Variants in DENND1B observed in about 807,000 individuals in gnomAD.
DENND1B encodes DENN domain containing 1B, also known as DENN domain-containing protein 1B.
Under a neutral mutation model 90.1 loss-of-function variants are expected in DENND1B, and 59 were observed. The observed-to-expected ratio is 0.65, with a 90% CI of 0.53 to 0.81. The LOEUF (loss-of-function observed/expected upper bound fraction) is 0.81, where lower values mean the gene tolerates loss of function less well. Ranked by LOEUF, DENND1B falls within the 40% of genes least tolerant of loss-of-function variation. The pLI, the probability that DENND1B is intolerant of heterozygous loss-of-function variation, is 0.00. For missense variants in DENND1B, 862 were observed against 912.6 expected (o/e 0.94, Z 0.71); for synonymous variants, 337 against 324.6 (o/e 1.04, Z -0.41).
chr1:197,510,716 G>A lies in DENND1B; in HGVS notation c.2072C>T (p.Pro691Leu). The A allele has an allele frequency of 1.2e-6, 2 of 1,612,714 alleles. No homozygotes were observed. Among genetic ancestry groups the A allele is most frequent in the Non-Finnish European group, 1.7e-6 (2 of 1,179,172 alleles). The change falls in exon 23 of 23, where the codon CCT (proline) becomes CTT (leucine). Residue 691 changes from proline to leucine, a missense_variant. Transcript: ENST00000620048. ...TSGLDFQLTS[P>L]EVSQTDKGKT... Reference sequence around the variant, plus strand: ...TCCTTTATCAGTCTGGGAAACTTCAGGGGAAGTGAGTTGGAAATCCAGTCC... The same window carrying A: ...TCCTTTATCAGTCTGGGAAACTTCAAGGGAAGTGAGTTGGAAATCCAGTCC...
Position 197,642,755 on chromosome 1 carries a change from G to A in DENND1B, c.628C>T (p.Leu210=). Residue 210 remains leucine (L), a synonymous_variant, in exon 10 of 23, where the codon CTG becomes TTG. Coordinates refer to ENST00000620048, the MANE Select transcript of DENND1B (RefSeq NM_001195215.2). ...ATAATCACGATGCGCCTTTCATGCA[G>A]CATACTGGCATACAGCTGCAGCATG... ...NNMLQLYASM[L]HERRIVIISS... 6.2e-7 allele frequency: 1 copy of A among 1,613,574 alleles called. No homozygotes were observed. The highest frequency in any genetic ancestry group is 8.5e-7 in the Non-Finnish European group (1 of 1,179,770).
chr1:197,666,577 T>C (rs901365752), intron 5 of DENND1B, among the ~76,000 whole-genome samples: 16 of 152,194 alleles, frequency 1.1e-4, no homozygotes, highest in African/African-American at 3.1e-4. Flanking sequence ...CTCAATAAAT[T>C]TTGGCCCTAT....
chr1:197,645,416 A>G (rs1337490319), intron 9 of DENND1B, among the ~76,000 whole-genome samples: 1 of 152,018 alleles, frequency 6.6e-6, no homozygotes, highest in African/African-American at 2.4e-5. Context: ...ATATGATCCT[A>G]CCTAATTACT....
At chr1:197,521,593 C>A (rs1668780513) in intron 20 of DENND1B, among the ~76,000 whole-genome samples, 1 of 151,784 alleles carries the variant, frequency 6.6e-6, no homozygotes, top group Non-Finnish European at 1.5e-5. Flanking sequence ...AATCCCCAAG[C>A]TTATGTATTT....
At chr1:197,595,491 G>A (rs1041868763) in intron 13 of DENND1B, among the ~76,000 whole-genome samples, 158 bp from the exon 14 acceptor site, 2 of 152,066 alleles carry the variant, frequency 1.3e-5, no homozygotes, top group African/African-American at 2.4e-5. Flanking sequence ...GCACCTGCTG[G>A]TCTGTTAATT....
At chr1:197,514,551 G>A (rs1245030783) in intron 20 of DENND1B, among the ~76,000 whole-genome samples, 1 of 151,468 alleles carries the variant, frequency 6.6e-6, no homozygotes, top group African/African-American at 2.4e-5. Flanking sequence ...TATGCTTTTG[G>A]GTATTTATTT....
chr1:197,552,473 C>G (rs187302173), intron 16 of DENND1B: 288 of 985,358 alleles, frequency 2.9e-4, no homozygotes, highest in Admixed American at 2.2e-3. Flanking sequence ...AACATTTACA[C>G]TAGAAGGATT....
chr1:197,612,569 T>C (rs1449068281), intron 11 of DENND1B, among the ~76,000 whole-genome samples: 2 of 150,636 alleles, frequency 1.3e-5, no homozygotes, highest in Non-Finnish European at 3.0e-5. Flanking sequence ...CTGTGCTATC[T>C]TTCCCCTCAT....
upstream of DENND1B, among the ~76,000 whole-genome samples, chr1:197,777,854 T>C (rs1002562850): frequency 6.6e-6 from 1 of 152,184 alleles, no homozygotes; most frequent in African/African-American, 2.4e-5. Flanking sequence ...ATGTTGTATG[T>C]GGTTTGTAAA....
chr1:197,734,972 T>A, intron 2 of DENND1B: 2 of 985,102 alleles, frequency 2.0e-6, no homozygotes, highest in Non-Finnish European at 2.4e-6. Flanking sequence ...AATTAAAGAC[T>A]CTGGAACACA....
At chr1:197,617,873 T>C in intron 10 of DENND1B, 114 bp from the exon 11 acceptor site, 2 of 713,710 alleles carry the variant, frequency 2.8e-6, no homozygotes, top group Non-Finnish European at 5.0e-6. Context: ...CATAACTACA[T>C]AAATCACATT....
Position 197,604,243 on chromosome 1 carries a change from A to G in DENND1B, c.921+2830T>C, listed in dbSNP as rs543541647. Among the ~76,000 whole-genome samples the G allele has an allele frequency of 6.6e-5, 10 of 151,390 alleles. No individual in the cohort carries two copies. In the East Asian group the frequency reaches 1.4e-3, roughly 21 times the overall value. ...ATCTATAGTGAAATGATGAAATCAA[A>G]AAACAAGTGTTCTTGTCAGAAGACA... On this transcript the variant is annotated intron_variant, in intron 13 of 22. Transcript: ENST00000620048.
intron 3 of DENND1B, chr1:197,685,525 C>T (rs1203849245): frequency 6.6e-6 from 1 of 152,020 alleles, no homozygotes; most frequent in Non-Finnish European, 1.5e-5. Flanking sequence ...AAAAAAAAAT[C>T]AGGAATCTAG....
At chr1:197,723,025 G>A (rs1327333346) in intron 2 of DENND1B, among the ~76,000 whole-genome samples, 1 of 152,032 alleles carries the variant, frequency 6.6e-6, no homozygotes, top group Non-Finnish European at 1.5e-5. Context: ...TTTGGATAAT[G>A]GATAATTCTA....
intron 3 of DENND1B, among the ~76,000 whole-genome samples, chr1:197,675,227 C>A (rs888075440): frequency 6.6e-6 from 1 of 152,094 alleles, no homozygotes; most frequent in African/African-American, 2.4e-5. Flanking sequence ...GCCACTAAAA[C>A]TAAGGTCTAC....
intron 19 of DENND1B, among the ~76,000 whole-genome samples, chr1:197,540,547 A>C (rs1424127190): frequency 1.3e-5 from 2 of 152,150 alleles, no homozygotes; most frequent in African/African-American, 4.8e-5. Context: ...AATTAAGAAC[A>C]TTCTTCATTT....
chr1:197,777,113 G>A (rs185902440), upstream of DENND1B, among the ~76,000 whole-genome samples: 11 of 151,218 alleles, frequency 7.3e-5, no homozygotes, highest in African/African-American at 2.2e-4. Context: ...AAAAAAATTC[G>A]TAAGCTAAAA....
chr1:197,641,621 T>C (rs912674650), intron 10 of DENND1B, among the ~76,000 whole-genome samples: 2 of 152,162 alleles, frequency 1.3e-5, no homozygotes, highest in African/African-American at 4.8e-5. Context: ...TATAAATTCA[T>C]ACAAATTATA....
chr1:197,536,154 G>T (rs530089208), intron 20 of DENND1B, among the ~76,000 whole-genome samples: 1 of 93,306 alleles, frequency 1.1e-5, no homozygotes, highest in East Asian at 2.9e-4. Context: ...GAGAGAGAGA[G>T]AGAGATAGAT....
Sources: gnomAD v4.1 joint callset for allele counts (sites outside exome capture counted in the v4.1 genomes callset) on GRCh38, gnomAD v4.1.1 for gene constraint, MANE v1.5 for transcripts, NCBI Gene and HGNC (gene_info 2026-07-23, HGNC 2026-07-21) for gene names.